Variants in COX7B2 observed in about 807,000 individuals in gnomAD.
COX7B2 encodes the protein cytochrome c oxidase subunit 7B2, mitochondrial.
For missense variants in COX7B2, 109 were observed against 95.9 expected (o/e 1.14, Z -0.57); for synonymous variants, 37 against 32.1 (o/e 1.15, Z -0.51).
intron 2 of COX7B2, among the ~76,000 whole-genome samples, chr4:46,740,706 A>G (rs535880774): frequency 6.6e-6 from 1 of 152,130 alleles, no homozygotes. Flanking sequence ...GAAAAAGAAA[A>G]TAATGATCTA....
chr4:46,825,555 A>T lies in COX7B2; in HGVS notation c.-50+19405T>A, dbSNP rs113032722. 9.2e-5 allele frequency among the ~76,000 whole-genome samples: 14 copies of T among 152,318 alleles called. 2 individuals carry two copies. The highest frequency in any genetic ancestry group is 3.4e-4 in the African/African-American group (14 of 41,582). ...TATATTATAATTCACATGGAACCAA[A>T]AAAGAGCTCCCATAGCCAAGACAAT... On this transcript the variant is annotated intron_variant, in intron 2 of 2. Coordinates refer to ENST00000355591, the MANE Select transcript of COX7B2 (RefSeq NM_130902.3).
intron 2 of COX7B2, among the ~76,000 whole-genome samples, chr4:46,766,562 C>T (rs1488062981): frequency 2.6e-5 from 4 of 152,034 alleles, no homozygotes; most frequent in South Asian, 2.1e-4. Context: ...ATTAGCCAGA[C>T]GTGGTGGCAC....
At chr4:46,792,237 G>A (rs1488265966) in intron 2 of COX7B2, among the ~76,000 whole-genome samples, 1 of 152,112 alleles carries the variant, frequency 6.6e-6, no homozygotes, top group African/African-American at 2.4e-5. Flanking sequence ...ATTGAACCTG[G>A]AATTCTTGTA....
chr4:46,790,064 C>G (rs79830007), intron 2 of COX7B2, among the ~76,000 whole-genome samples: 151 of 151,588 alleles, frequency 1.0e-3, no homozygotes, highest in African/African-American at 3.5e-3. Flanking sequence ...ATCAAATATA[C>G]TTTATGTGAA....
chr4:46,859,528 G>A (rs1717214936), intron 1 of COX7B2, among the ~76,000 whole-genome samples: 1 of 152,144 alleles, frequency 6.6e-6, no homozygotes, highest in Non-Finnish European at 1.5e-5. Context: ...AGCCCGAGAG[G>A]TCTGTCTGGT....
intron 2 of COX7B2, among the ~76,000 whole-genome samples, chr4:46,794,623 A>G (rs1718225994): frequency 6.6e-6 from 1 of 152,124 alleles, no homozygotes; most frequent in African/African-American, 2.4e-5. Context: ...CTGAACTAGG[A>G]AATCTAAATG....
intron 2 of COX7B2, among the ~76,000 whole-genome samples, chr4:46,835,505 C>T (rs948504962): frequency 5.3e-5 from 8 of 151,910 alleles, no homozygotes; most frequent in African/African-American, 1.7e-4. Context: ...AAGAGTCTGA[C>T]GGCTACATTT....
chr4:46,852,257 C>T (rs575428095), intron 1 of COX7B2, among the ~76,000 whole-genome samples: 5 of 152,006 alleles, frequency 3.3e-5, no homozygotes, highest in South Asian at 2.1e-4. Flanking sequence ...TTATTTATTG[C>T]TCAATTTGTT....
At chr4:46,766,006 G>A (rs1474138409) in intron 2 of COX7B2, among the ~76,000 whole-genome samples, 1 of 151,854 alleles carries the variant, frequency 6.6e-6, no homozygotes, top group Non-Finnish European at 1.5e-5. Context: ...GCAAACTCCA[G>A]TCCAGGTCCA....
intron 2 of COX7B2, among the ~76,000 whole-genome samples, chr4:46,773,641 G>A (rs1469895644): frequency 6.6e-6 from 1 of 152,086 alleles, no homozygotes; most frequent in Non-Finnish European, 1.5e-5. Context: ...TAAAAACCAT[G>A]GTGAAGTAGC....
intron 2 of COX7B2, among the ~76,000 whole-genome samples, chr4:46,816,589 A>T (rs1363012029): frequency 6.6e-6 from 1 of 152,240 alleles, no homozygotes; most frequent in African/African-American, 2.4e-5. Context: ...AGTTATGAGC[A>T]AAGCATCTTG....
intron 2 of COX7B2, among the ~76,000 whole-genome samples, chr4:46,806,055 C>T (rs1718979431): frequency 6.6e-6 from 1 of 152,070 alleles, no homozygotes; most frequent in Admixed American, 6.5e-5. Context: ...CTTGTAATTG[C>T]CTCATATGAA....
intron 2 of COX7B2, among the ~76,000 whole-genome samples, chr4:46,773,156 G>GA (rs1716971664): frequency 6.6e-6 from 1 of 152,074 alleles, no homozygotes; most frequent in South Asian, 2.1e-4. Context: ...CAAGAAAATA[G>GA]AAAAATAGTT....
At chr4:46,882,126 A>G (rs1227378914) in intron 1 of COX7B2, among the ~76,000 whole-genome samples, 1 of 151,952 alleles carries the variant, frequency 6.6e-6, no homozygotes, top group East Asian at 1.9e-4. Context: ...CATAGTCTTG[A>G]TTTCTATTTT....
chr4:46,897,265 T>A (rs1719819433), intron 1 of COX7B2, among the ~76,000 whole-genome samples: 1 of 152,100 alleles, frequency 6.6e-6, no homozygotes, highest in African/African-American at 2.4e-5. Context: ...TTCCAACTCC[T>A]TTCTCCCCAC....
intron 2 of COX7B2, among the ~76,000 whole-genome samples, chr4:46,806,723 T>C (rs1239020099): frequency 6.6e-6 from 1 of 152,026 alleles, no homozygotes; most frequent in Non-Finnish European, 1.5e-5. Flanking sequence ...CACTACTCTG[T>C]TTTTTTATCT....
chr4:46,882,939 T>A lies in COX7B2; in HGVS notation c.-105+26221A>T, dbSNP rs941023265. ...ATATTACTTGTGATAAATTTTGCAA[T>A]GGGAAAGAGACTTAATTTCACACAT... On this transcript the variant is annotated intron_variant, in intron 1 of 2. Transcript: ENST00000355591. Among the ~76,000 whole-genome samples, 18 of 152,208 alleles carry A rather than the reference T, an allele frequency of 1.2e-4. 1 individual carries two copies. The highest frequency in any genetic ancestry group is 4.1e-4 in the African/African-American group (17 of 41,458).
chr4:46,827,640 G>A (rs1714786241), intron 2 of COX7B2, among the ~76,000 whole-genome samples: 1 of 152,024 alleles, frequency 6.6e-6, no homozygotes, highest in African/African-American at 2.4e-5. Flanking sequence ...GCACTAAAAG[G>A]AAATGCTAAA....
intron 2 of COX7B2, among the ~76,000 whole-genome samples, chr4:46,834,591 T>C (rs1391510362): frequency 6.6e-6 from 1 of 152,150 alleles, no homozygotes; most frequent in East Asian, 1.9e-4. Flanking sequence ...TTAAATGCTT[T>C]TATCCAACTT....
Sources: allele counts gnomAD v4.1 joint callset (sites outside exome capture counted in the v4.1 genomes callset), GRCh38; gene constraint gnomAD v4.1.1; transcripts MANE v1.5; gene names NCBI Gene and HGNC (gene_info 2026-07-23, HGNC 2026-07-21).